Variants in LRP1B observed in about 807,000 individuals in gnomAD.
LRP1B encodes the protein low-density lipoprotein receptor-related protein 1B.
Under a neutral mutation model 556.6 loss-of-function variants are expected in LRP1B, and 217 were observed. The ratio of observed to expected loss-of-function variants is 0.39; its 90% confidence interval spans 0.35 to 0.44. LRP1B has a LOEUF of 0.44. Among genes scored for constraint, LRP1B ranks in the 20% least tolerant of loss-of-function variants. The probability of loss-of-function intolerance (pLI) is 1.00; values close to 1 mark genes in which losing one functional copy is unlikely to be tolerated. For missense variants in LRP1B, 5,053 were observed against 5,620.8 expected, an observed-to-expected ratio of 0.90 and a Z score of 3.23; for synonymous variants, 2,047 against 1,865.8, an observed-to-expected ratio of 1.10 and a Z score of -2.50.
intron 43 of LRP1B, among the ~76,000 whole-genome samples, chr2:140,563,322 G>A (rs1681004250): frequency 6.6e-6 from 1 of 152,114 alleles, no homozygotes; most frequent in South Asian, 2.1e-4. Context: ...ACTGAATAGT[G>A]CCATGAAATA....
At chr2:140,845,612 G>C (rs983319127) in intron 29 of LRP1B, among the ~76,000 whole-genome samples, 8 of 151,906 alleles carry the variant, frequency 5.3e-5, no homozygotes, top group African/African-American at 1.9e-4. Flanking sequence ...TTATATGTAG[G>C]ATAAAGACAA....
At chr2:141,808,225 G>C (rs994639646) in intron 2 of LRP1B, among the ~76,000 whole-genome samples, 2 of 151,930 alleles carry the variant, frequency 1.3e-5, no homozygotes, top group Non-Finnish European at 2.9e-5. Flanking sequence ...CTCCACCCTG[G>C]CTTTCCTGCA....
chr2:141,641,406 TA>T (rs1056763149), intron 2 of LRP1B, among the ~76,000 whole-genome samples: 17 of 152,018 alleles, frequency 1.1e-4, no homozygotes, highest in South Asian at 4.2e-4. Context: ...ATAATTAACT[TA>T]AAAAAAATTA....
chr2:141,502,865 A>AAT (rs1683775490), intron 2 of LRP1B, among the ~76,000 whole-genome samples: 1 of 130,376 alleles, frequency 7.7e-6, no homozygotes, highest in Non-Finnish European at 1.6e-5. Flanking sequence ...CTCAAAAAAT[A>AAT]AAAAATAAAT....
chr2:140,676,499 A>G (rs1685676468), intron 41 of LRP1B, among the ~76,000 whole-genome samples: 1 of 152,150 alleles, frequency 6.6e-6, no homozygotes, highest in South Asian at 2.1e-4. Context: ...TTATCCCATA[A>G]GACTGCAAGG....
chr2:140,891,910 T>C (rs1465468624), intron 23 of LRP1B, among the ~76,000 whole-genome samples: 1 of 152,164 alleles, frequency 6.6e-6, no homozygotes, highest in African/African-American at 2.4e-5. Flanking sequence ...CTGCTTTGTA[T>C]GTCAAGTTCG....
At chr2:140,997,643 A>T (rs1697285075) in intron 15 of LRP1B, among the ~76,000 whole-genome samples, 1 of 151,816 alleles carries the variant, frequency 6.6e-6, no homozygotes, top group Admixed American at 6.6e-5. Flanking sequence ...CAAAAAAAAT[A>T]AAATAAAATG....
chr2:141,120,976 T>C (rs563412089), intron 7 of LRP1B, among the ~76,000 whole-genome samples: 2 of 152,188 alleles, frequency 1.3e-5, no homozygotes, highest in South Asian at 4.1e-4. Flanking sequence ...TTAATTACTT[T>C]ATTGGGAACA....
chr2:141,459,118 C>G lies in LRP1B; in HGVS notation c.343+21278G>C, dbSNP rs899121337. Reference sequence around the variant, plus strand: ...GCTGAACAGGACAGTATGTTCAATACTTACCTAGCTGAAAAAGCTCCCAGC... The same window carrying G: ...GCTGAACAGGACAGTATGTTCAATAGTTACCTAGCTGAAAAAGCTCCCAGC... On this transcript the variant is annotated intron_variant, in intron 3 of 90. Transcript: ENST00000389484. Among the ~76,000 whole-genome samples the G allele has an allele frequency of 4.1e-4, 62 of 152,106 alleles. 1 individual carries two copies. Among genetic ancestry groups the G allele is most frequent in the Admixed American group, 4.1e-3 (62 of 15,246 alleles).
At chr2:140,666,651 C>A (rs1685286197) in intron 41 of LRP1B, among the ~76,000 whole-genome samples, 1 of 152,056 alleles carries the variant, frequency 6.6e-6, no homozygotes, top group Admixed American at 6.5e-5. Flanking sequence ...ACTAACATTT[C>A]CAAGGATTAC....
At chr2:140,398,644 A>T (rs755704847) in intron 66 of LRP1B, among the ~76,000 whole-genome samples, 34 of 152,148 alleles carry the variant, frequency 2.2e-4, no homozygotes, top group Non-Finnish European at 4.6e-4. Flanking sequence ...TTCCTGTCTC[A>T]GTCTCCTGAA....
At chr2:140,679,046 G>A (rs890324454) in intron 41 of LRP1B, among the ~76,000 whole-genome samples, 3 of 152,072 alleles carry the variant, frequency 2.0e-5, no homozygotes, top group Non-Finnish European at 4.4e-5. Flanking sequence ...CAAAGTGCTG[G>A]GACTACAGGC....
intron 23 of LRP1B, among the ~76,000 whole-genome samples, chr2:140,890,198 G>T (rs1231320111): frequency 4.2e-5 from 5 of 117,998 alleles, no homozygotes; most frequent in Non-Finnish European, 9.9e-5. Context: ...AACACAAACT[G>T]TAAGGATAGA....
At chr2:141,789,632 G>A (rs2105658478) in intron 2 of LRP1B, among the ~76,000 whole-genome samples, 1 of 151,862 alleles carries the variant, frequency 6.6e-6, no homozygotes. Flanking sequence ...AACAGAAATT[G>A]CTTTTATAAG....
intron 7 of LRP1B, among the ~76,000 whole-genome samples, chr2:141,187,910 A>G (rs962665026): frequency 6.6e-6 from 1 of 151,992 alleles, no homozygotes; most frequent in African/African-American, 2.4e-5. Context: ...TTGGGTTTAC[A>G]TATCAACAGT....
intron 51 of LRP1B, among the ~76,000 whole-genome samples, chr2:140,512,257 T>C (rs1346640053): frequency 6.6e-6 from 1 of 152,180 alleles, no homozygotes; most frequent in Non-Finnish European, 1.5e-5. Context: ...ATAAGGCTCT[T>C]TGCAGCTAAT....
At chr2:140,843,088 T>TG (rs1185871183) in intron 29 of LRP1B, among the ~76,000 whole-genome samples, 20 of 25,910 alleles carry the variant, frequency 7.7e-4, no homozygotes, top group Admixed American at 4.2e-3. Context: ...TTTGTTTGTT[T>TG]TTTTTTTTTT....
rs2105165158 is a variant in LRP1B at position 140,370,789 on chromosome 2, G to A, written c.10929C>T (p.Ala3643=). Residue 3643 remains alanine (A), a synonymous_variant, in exon 71 of 91, where the codon GCC becomes GCT. Coordinates refer to ENST00000389484, the MANE Select transcript of LRP1B (RefSeq NM_018557.3). ...KEDQFRCKNK[A]HCIPIRWLCD... ...ACAGCCATCTAATTGGAATACAGTG[G>A]GCTTTATTTTTGCACCGAAACTGAT... 1.2e-6 allele frequency: 2 copies of A among 1,612,594 alleles called. No individual in the cohort carries two copies. The highest frequency in any genetic ancestry group is 1.7e-6 in the Non-Finnish European group (2 of 1,179,122).
intron 2 of LRP1B, among the ~76,000 whole-genome samples, chr2:141,678,897 C>G (rs768823548): frequency 4.6e-5 from 7 of 152,134 alleles, no homozygotes; most frequent in Non-Finnish European, 1.0e-4. Flanking sequence ...ACTCCAGCCC[C>G]TTGTATGTGG....
Sources: allele counts gnomAD v4.1 joint callset (sites outside exome capture counted in the v4.1 genomes callset), GRCh38; gene constraint gnomAD v4.1.1; transcripts MANE v1.5; gene names NCBI Gene and HGNC (gene_info 2026-07-23, HGNC 2026-07-21).